Variants in EDC3 observed in about 807,000 individuals in gnomAD.
The protein encoded by EDC3 is enhancer of mRNA-decapping protein 3.
EDC3 carries 20 observed loss-of-function variants against 41.8 expected under a neutral mutation model. The observed-to-expected ratio is 0.48, with a 90% CI of 0.34 to 0.70. The LOEUF is 0.70. Ranked by LOEUF, EDC3 falls within the 30% of genes least tolerant of loss-of-function variation. EDC3 has a pLI of 0.01. For missense variants in EDC3, 444 were observed against 636.8 expected (o/e 0.70, Z 3.26); for synonymous variants, 206 against 243.2 (o/e 0.85, Z 1.42).
chr15:74,693,110 G>A (rs751174974), intron 1 of EDC3: 10 of 152,142 alleles, frequency 6.6e-5, no homozygotes, highest in Non-Finnish European at 1.3e-4. Flanking sequence ...TTTACTCTTA[G>A]CACATCTAGA....
intron 1 of EDC3, among the ~76,000 whole-genome samples, chr15:74,685,905 T>C (rs552325517): frequency 1.3e-5 from 2 of 152,330 alleles, no homozygotes; most frequent in African/African-American, 4.8e-5. Flanking sequence ...TAAAAGAGTA[T>C]GTCCTGACTG....
At chr15:74,675,773 C>T (rs532723890) in intron 1 of EDC3, among the ~76,000 whole-genome samples, 53 of 149,732 alleles carry the variant, frequency 3.5e-4, no homozygotes, top group African/African-American at 9.1e-4. Flanking sequence ...CCCAGCTACC[C>T]GGGAAGCTGA....
At chr15:74,664,507 C>T (rs2141634487) in intron 3 of EDC3, among the ~76,000 whole-genome samples, 1 of 152,372 alleles carries the variant, frequency 6.6e-6, no homozygotes, top group Non-Finnish European at 1.5e-5. Flanking sequence ...TGTTGTGTAA[C>T]CCTCAGTGCC....
chr15:74,664,856 G>A (rs534173880), intron 3 of EDC3, among the ~76,000 whole-genome samples: 20 of 152,132 alleles, frequency 1.3e-4, no homozygotes, highest in Non-Finnish European at 2.6e-4. Flanking sequence ...CAACCATACT[G>A]CAACAAGATA....
chr15:74,650,114 C>T (rs2062464140), intron 4 of EDC3, among the ~76,000 whole-genome samples: 1 of 152,108 alleles, frequency 6.6e-6, no homozygotes. Flanking sequence ...ATGACTGGTC[C>T]TGCTCTGGTC....
rs1313120720 is a variant in EDC3, at chr15:74,689,680, G to A, written c.-19+6200C>T. Among the ~76,000 whole-genome samples the A allele has an allele frequency of 4.6e-5, 7 of 152,050 alleles. No homozygotes were observed. In the East Asian group the frequency reaches 7.7e-4, roughly 17 times the overall value. ...GCTGGGACTACAGGTGCCCGCCACC[G>A]CGCCCGGCTAATTTTTTGTATTTTT... On this transcript the variant is annotated intron_variant, in intron 1 of 6. Transcript: ENST00000315127.
chr15:74,671,027 A>G lies in EDC3; in HGVS notation c.484+428T>C, dbSNP rs2062732313. ...CTACCAACATCAGTAACAGGATTTA[A>G]GTTTTTTTTTTTTTCTTTTTCAGAA... On this transcript the variant is annotated intron_variant, in intron 3 of 6. Transcript: ENST00000315127. The surrounding 1 kb of genome is among the most constrained non-coding windows in gnomAD (Gnocchi z 4.6). Among the ~76,000 whole-genome samples, 1 of 151,744 alleles carries G rather than the reference A, an allele frequency of 6.6e-6. No individual in the cohort carries two copies. Among genetic ancestry groups the G allele is most frequent in the Non-Finnish European group, 1.5e-5 (1 of 67,852 alleles).
At chr15:74,692,368 A>C (rs2063017510) in intron 1 of EDC3, among the ~76,000 whole-genome samples, 1 of 152,260 alleles carries the variant, frequency 6.6e-6, no homozygotes, top group African/African-American at 2.4e-5. Flanking sequence ...AAATTGAATT[A>C]GTAAAATCTT....
intron 3 of EDC3, among the ~76,000 whole-genome samples, chr15:74,659,854 G>C (rs1161139228): frequency 6.6e-6 from 1 of 152,112 alleles, no homozygotes; most frequent in African/African-American, 2.4e-5. Flanking sequence ...AGACCATCCT[G>C]GCCAACATGG....
chr15:74,658,638 A>C (rs1302027621), intron 3 of EDC3, among the ~76,000 whole-genome samples: 1 of 149,486 alleles, frequency 6.7e-6, no homozygotes, highest in African/African-American at 2.4e-5. Context: ...AAAAAAAAAA[A>C]AAAAAAAAAA....
chr15:74,685,385 AGAGT>A (rs1387413860), intron 1 of EDC3, among the ~76,000 whole-genome samples: 3 of 152,188 alleles, frequency 2.0e-5, no homozygotes, highest in Non-Finnish European at 4.4e-5. Flanking sequence ...CCTAGATGAC[AGAGT>A]GAGACCCTGT....
At chr15:74,658,650 A>C (rs949424000) in intron 3 of EDC3, among the ~76,000 whole-genome samples, 2 of 150,526 alleles carry the variant, frequency 1.3e-5, no homozygotes, top group Admixed American at 6.6e-5. Context: ...AAAAAAAAAA[A>C]AAAACCAAGG....
Position 74,655,844 on chromosome 15 carries a change from G to C in EDC3, c.709C>G (p.Pro237Ala). 6.2e-7 allele frequency: 1 copy of C among 1,614,036 alleles called. No individual in the cohort carries two copies. The highest frequency in any genetic ancestry group is 1.1e-5 in the South Asian group (1 of 91,070). Residue 237 changes from proline (P) to alanine (A), a missense_variant, in exon 4 of 7, where the codon CCA becomes GCA. Around this residue, in one of 3 missense-constraint regions of EDC3, gnomAD observed 242 missense variants for 363.8 expected, o/e 0.67. Transcript: ENST00000315127. ...CGGTACCGAGTGGGCCTTTCATTTGGGATGCCCCGGGAACGGGTACCACTT... is the reference window on the plus strand; with the variant it reads ...CGGTACCGAGTGGGCCTTTCATTTGCGATGCCCCGGGAACGGGTACCACTT... ...RRSGTRSRGI[P>A]NERPTRYRHD...
rs777229375 is a variant in EDC3, at chr15:74,683,360, C to G, written c.-18-8218G>C. ...AACCAGCCTGGCCAACATGGCGAAGCCTCGTCTCTACCAAAAATACAAAAA... is the reference window on the plus strand; with the variant it reads ...AACCAGCCTGGCCAACATGGCGAAGGCTCGTCTCTACCAAAAATACAAAAA... On this transcript the variant is annotated intron_variant, in intron 1 of 6. Transcript: ENST00000315127. 1.4e-3 allele frequency among the ~76,000 whole-genome samples: 209 copies of G among 152,228 alleles called. 2 individuals carry two copies. Among genetic ancestry groups the G allele is most frequent in the Non-Finnish European group, 2.1e-3 (143 of 68,024 alleles).
chr15:74,635,027 T>C, intron 6 of EDC3: 1 of 466,292 alleles, frequency 2.1e-6, no homozygotes, highest in Non-Finnish European at 4.3e-6. Flanking sequence ...CTTTCCCTGC[T>C]TTGTTTTTAT....
At chr15:74,686,066 C>T (rs1159436077) in intron 1 of EDC3, among the ~76,000 whole-genome samples, 2 of 152,010 alleles carry the variant, frequency 1.3e-5, no homozygotes, top group African/African-American at 4.8e-5. Context: ...GTGGCTCACG[C>T]CTGTAATCCC....
rs1184397554 is a variant in EDC3 at position 74,631,560 on chromosome 15, A to C, written c.*1052T>G. On this transcript the variant is annotated 3_prime_UTR_variant, in exon 7 of 7. Transcript: ENST00000315127. Reference sequence around the variant, plus strand: ...GACAAATGTAAAAGGTTCAAAGCCCAGATGATGTAAGAGCTGGGGTGGAGC... The same window carrying C: ...GACAAATGTAAAAGGTTCAAAGCCCCGATGATGTAAGAGCTGGGGTGGAGC... 6.6e-6 allele frequency: 1 copy of C among 152,388 alleles called. No homozygotes were observed. The highest frequency in any genetic ancestry group is 1.5e-5 in the Non-Finnish European group (1 of 68,100). The allele number at this position is 152,388 out of a possible 1,614,324, so 9.4% of individuals were successfully genotyped here.
chr15:74,641,327 T>A (rs928218596), intron 4 of EDC3: 8 of 152,350 alleles, frequency 5.3e-5, no homozygotes, highest in African/African-American at 1.7e-4. Flanking sequence ...AAAGGGTAAC[T>A]TTTATAAAAG....
chr15:74,686,937 G>T (rs2062944684), intron 1 of EDC3, among the ~76,000 whole-genome samples: 1 of 152,036 alleles, frequency 6.6e-6, no homozygotes, highest in Admixed American at 6.6e-5. Flanking sequence ...TCAGGAGGCT[G>T]ACAGGATAAC....
Sources: allele counts gnomAD v4.1 joint callset (sites outside exome capture counted in the v4.1 genomes callset), GRCh38; gene constraint gnomAD v4.1.1; regional missense constraint gnomAD v4.1.1; non-coding constraint Gnocchi (gnomAD v3.1); transcripts MANE v1.5; gene names NCBI Gene and HGNC (gene_info 2026-07-23, HGNC 2026-07-21).